The following KLF12 variants were observed in gnomAD, a reference collection of about 807,000 sequenced individuals.
The protein encoded by KLF12 is Krueppel-like factor 12.
In KLF12, 9 loss-of-function variants were observed where a neutral mutation model predicts 37.8. The observed-to-expected ratio is 0.24, with a 90% CI of 0.14 to 0.42. The LOEUF is 0.42. Among genes scored for constraint, KLF12 ranks in the 10% least tolerant of loss-of-function variants. KLF12 has a pLI of 1.00. For missense variants in KLF12, 411 were observed against 516.0 expected, an observed-to-expected ratio of 0.80 and a Z score of 1.97; for synonymous variants, 208 against 202.1, an observed-to-expected ratio of 1.03 and a Z score of -0.25.
At chr13:74,188,843 A>C in the KLF12 span, among the ~76,000 whole-genome samples, 245 of 152,180 alleles carry the variant, frequency 1.6e-3, 1 homozygote, top group African/African-American at 5.8e-3. Flanking sequence ...TAAAAATGCA[A>C]AAAATTAGCT....
the KLF12 span, among the ~76,000 whole-genome samples, chr13:74,168,963 C>T: frequency 6.6e-6 from 1 of 152,146 alleles, no homozygotes; most frequent in Non-Finnish European, 1.5e-5. Context: ...CGTTTCCTGG[C>T]TGTGCAGAGA....
At chr13:73,749,243 G>C (rs1028961935) in intron 6 of KLF12, among the ~76,000 whole-genome samples, 1 of 152,036 alleles carries the variant, frequency 6.6e-6, no homozygotes, top group Non-Finnish European at 1.5e-5. Context: ...TCAGCTAAGA[G>C]ATTAAAAAGA....
intron 6 of KLF12, among the ~76,000 whole-genome samples, chr13:73,747,048 C>T (rs1878422261): frequency 6.6e-6 from 1 of 151,992 alleles, no homozygotes; most frequent in Non-Finnish European, 1.5e-5. Flanking sequence ...AACTCCTGAC[C>T]TCAAGTGATC....
chr13:74,261,393 TA>T, the KLF12 span, among the ~76,000 whole-genome samples: 3 of 151,928 alleles, frequency 2.0e-5, no homozygotes, highest in Non-Finnish European at 4.4e-5. Flanking sequence ...AGCATGAAAA[TA>T]AAAAAATATT....
At chr13:73,945,825 C>T (rs965034137) in intron 2 of KLF12, among the ~76,000 whole-genome samples, 2 of 152,124 alleles carry the variant, frequency 1.3e-5, no homozygotes, top group Non-Finnish European at 2.9e-5. Flanking sequence ...TGACTTGTCC[C>T]TTTTTTCAGA....
At chr13:73,761,936 T>C (rs568246800) in intron 6 of KLF12, among the ~76,000 whole-genome samples, 82 of 152,296 alleles carry the variant, frequency 5.4e-4, no homozygotes, top group African/African-American at 1.9e-3. Context: ...TCATCAATCT[T>C]CAAATCAGTA....
chr13:73,940,682 G>A (rs1011497443), intron 3 of KLF12, among the ~76,000 whole-genome samples: 2 of 152,208 alleles, frequency 1.3e-5, no homozygotes, highest in Non-Finnish European at 2.9e-5. Context: ...CCATGTGCCA[G>A]AAACTATAAG....
rs1002326248 is a variant in KLF12 at position 73,750,010 on chromosome 13, G to A, written c.869+14928C>T. On this transcript the variant is annotated intron_variant, in intron 6 of 7. Transcript: ENST00000377669. ...AATCTTGCCCCAGATCACATAATTA[G>A]AGAGTGACAGAACAGGTCTAAAATC... Among the ~76,000 whole-genome samples the A allele has an allele frequency of 5.3e-5, 8 of 152,226 alleles. 1 individual carries two copies. In the South Asian group the frequency reaches 1.7e-3, roughly 32 times the overall value.
chr13:74,276,318 G>T, the KLF12 span, among the ~76,000 whole-genome samples: 69 of 152,192 alleles, frequency 4.5e-4, no homozygotes, highest in Admixed American at 2.3e-3. Flanking sequence ...TCACTATGTT[G>T]TACAGGCTGA....
At chr13:74,286,216 G>A in the KLF12 span, among the ~76,000 whole-genome samples, 2 of 151,688 alleles carry the variant, frequency 1.3e-5, no homozygotes, top group African/African-American at 4.9e-5. Context: ...TTTCTAAGAG[G>A]GTGTGCCACA....
At chr13:74,157,987 A>G in the KLF12 span, among the ~76,000 whole-genome samples, 22 of 152,256 alleles carry the variant, frequency 1.4e-4, no homozygotes, top group African/African-American at 5.1e-4. Flanking sequence ...CTTCTGCTGC[A>G]CTTCATTAGC....
At chr13:73,790,175 A>G (rs1408882718) in intron 5 of KLF12, among the ~76,000 whole-genome samples, 1 of 152,216 alleles carries the variant, frequency 6.6e-6, no homozygotes, top group Non-Finnish European at 1.5e-5. Flanking sequence ...CAGGCCATAA[A>G]TGAAAAACAA....
At chr13:74,086,098 A>G (rs1875274191) in intron 1 of KLF12, among the ~76,000 whole-genome samples, 1 of 151,742 alleles carries the variant, frequency 6.6e-6, no homozygotes, top group Non-Finnish European at 1.5e-5. Flanking sequence ...ACAATTAACT[A>G]AAGGAATCAC....
At chr13:74,160,804 G>A in the KLF12 span, among the ~76,000 whole-genome samples, 7 of 152,284 alleles carry the variant, frequency 4.6e-5, no homozygotes, top group South Asian at 6.2e-4. Flanking sequence ...AATTTGAGCC[G>A]GGTTTGGCCT....
chr13:74,230,887 G>A, the KLF12 span, among the ~76,000 whole-genome samples: 1 of 152,102 alleles, frequency 6.6e-6, no homozygotes, highest in Admixed American at 6.5e-5. Context: ...ACCCTCTGTT[G>A]ATCTCCTAGT....
chr13:73,758,579 T>C (rs1211497336), intron 6 of KLF12, among the ~76,000 whole-genome samples: 1 of 152,144 alleles, frequency 6.6e-6, no homozygotes, highest in African/African-American at 2.4e-5. Flanking sequence ...TGGGTTCACA[T>C]GTTAGGTTTC....
At chr13:73,728,560 G>GT (rs1876834305) in intron 6 of KLF12, among the ~76,000 whole-genome samples, 1 of 152,232 alleles carries the variant, frequency 6.6e-6, no homozygotes, top group South Asian at 2.1e-4. Flanking sequence ...TTAGACATGA[G>GT]TTTTTCATAG....
At chr13:73,820,041 G>A (rs1018624586) in intron 4 of KLF12, among the ~76,000 whole-genome samples, 2 of 152,132 alleles carry the variant, frequency 1.3e-5, no homozygotes, top group African/African-American at 4.8e-5. Flanking sequence ...GGGTGACATA[G>A]GCTTTTGAAT....
chr13:73,926,770 C>A (rs372421742), intron 3 of KLF12, among the ~76,000 whole-genome samples: 3 of 152,016 alleles, frequency 2.0e-5, no homozygotes, highest in South Asian at 4.2e-4. Flanking sequence ...AGTTTCTCTG[C>A]GTGAATTACT....
Sources: gnomAD v4.1 joint callset for allele counts (sites outside exome capture counted in the v4.1 genomes callset) on GRCh38, gnomAD v4.1.1 for gene constraint, MANE v1.5 for transcripts, NCBI Gene and HGNC (gene_info 2026-07-23, HGNC 2026-07-21) for gene names.